Variants in EXD3 observed in about 807,000 individuals in gnomAD.
EXD3 encodes the protein exonuclease mut-7 homolog.
A neutral mutation model predicts 98.0 loss-of-function variants in EXD3; 92 were observed. The observed-to-expected ratio is 0.94, with a 90% confidence interval of 0.79 to 1.12. EXD3 has a LOEUF of 1.12. Ranked by LOEUF, EXD3 falls within the 50% of genes most tolerant of loss-of-function variation. The pLI, the probability that EXD3 is intolerant of heterozygous loss-of-function variation, is 0.00. For missense variants in EXD3, 1,222 were observed against 1,191.6 expected (o/e 1.03, Z -0.38); for synonymous variants, 569 against 526.0 (o/e 1.08, Z -1.12).
intron 8 of EXD3, among the ~76,000 whole-genome samples, chr9:137,355,410 G>C (rs1409811855): frequency 1.8e-5 from 1 of 54,870 alleles, no homozygotes; most frequent in African/African-American, 5.4e-5. Flanking sequence ...TCTGCCCTGA[G>C]GCAGGGAGGA....
intron 6 of EXD3, 172 bp downstream of exon 6, chr9:137,367,764 C>T (rs564396744): frequency 8.2e-6 from 5 of 610,506 alleles, no homozygotes; most frequent in Non-Finnish European, 1.4e-5. Flanking sequence ...GGGGTCAGCC[C>T]ATGAGGAGGA....
chr9:137,350,045 G>A (rs1453147162), intron 14 of EXD3, among the ~76,000 whole-genome samples: 2 of 145,162 alleles, frequency 1.4e-5, no homozygotes, highest in African/African-American at 2.6e-5. Context: ...TGGGGATCAC[G>A]GGGAAGGTTC....
chr9:137,328,077 T>TAG (rs1832567758), intron 17 of EXD3, among the ~76,000 whole-genome samples: 1 of 141,602 alleles, frequency 7.1e-6, no homozygotes, highest in Non-Finnish European at 1.5e-5. Context: ...ACAACTAACA[T>TAG]ACTCCCATAT....
chr9:137,314,687 CTTTGTGT>C (rs1283017507), intron 19 of EXD3, among the ~76,000 whole-genome samples: 1 of 152,182 alleles, frequency 6.6e-6, no homozygotes, highest in East Asian at 1.9e-4. Flanking sequence ...GCCCCGTCCC[CTTTGTGT>C]GGCCAGGACA....
intron 1 of EXD3, among the ~76,000 whole-genome samples, chr9:137,400,027 C>CT (rs1837404309): frequency 8.4e-6 from 1 of 118,448 alleles, no homozygotes; most frequent in Non-Finnish European, 1.7e-5. Context: ...AGAACTCCAT[C>CT]TCAAAAAAAA....
intron 17 of EXD3, among the ~76,000 whole-genome samples, chr9:137,339,190 C>A (rs2119177024): frequency 6.6e-6 from 1 of 152,082 alleles, no homozygotes; most frequent in East Asian, 1.9e-4. Context: ...CCAAAGAAAA[C>A]ATCAGGCCAG....
At chr9:137,408,615 A>C (rs1352197842) in intron 1 of EXD3, among the ~76,000 whole-genome samples, 2 of 144,246 alleles carry the variant, frequency 1.4e-5, no homozygotes, top group Non-Finnish European at 3.0e-5. Context: ...ACCTCCCCCC[A>C]GCTGCTCAGC....
rs1432445026 is a variant in EXD3 at position 137,307,075 on chromosome 9, C to A, written c.2506G>T (p.Gly836Ter). The change falls in exon 22 of 22, where the codon GGA (glycine) becomes TGA (stop). Residue 836 changes from glycine (G) to a stop codon, truncating the protein, a stop_gained. Coordinates refer to ENST00000340951, the MANE Select transcript of EXD3 (RefSeq NM_017820.5). LOFTEE classifies it low-confidence loss of function (END_TRUNC). ...LRCFYCCTGCGKVFWDGSHLG... is the reference protein window; with the variant it reads ...LRCFYCCTGC ...TGGGAGCCGTCCCAGAAGACCTTTC[C>A]ACAGCCCGTGCAGCAGTAGAAGCAC... The A allele has an allele frequency of 6.2e-7, 1 of 1,611,644 alleles. No homozygotes were observed. The highest frequency in any genetic ancestry group is 1.7e-5 in the Admixed American group (1 of 59,890).
intron 19 of EXD3, among the ~76,000 whole-genome samples, chr9:137,316,324 C>T (rs918674303): frequency 2.6e-5 from 4 of 152,034 alleles, no homozygotes; most frequent in Non-Finnish European, 2.9e-5. Context: ...CGCGCGCCGG[C>T]CTGGGGGACC....
Position 137,403,675 on chromosome 9 carries a change from G to T in EXD3, c.-47-8271C>A, listed in dbSNP as rs1837582138. 6.6e-6 allele frequency among the ~76,000 whole-genome samples: 1 copy of T among 152,096 alleles called. No individual in the cohort carries two copies. Among genetic ancestry groups the T allele is most frequent in the South Asian group, 2.1e-4 (1 of 4,828 alleles). On this transcript the variant is annotated intron_variant, in intron 1 of 21. Transcript: ENST00000340951. This position sits in a 1 kb window ranked among gnomAD's most constrained non-coding sequence, Gnocchi z 6.1. Reference sequence around the variant, plus strand: ...GGCCTTGGGGGAGATGGACCAGCAGGCCCGAGATCCAGGGTCTTAGGGCTC... The same window carrying T: ...GGCCTTGGGGGAGATGGACCAGCAGTCCCGAGATCCAGGGTCTTAGGGCTC...
chr9:137,392,306 C>T (rs1836962069), intron 2 of EXD3: 1 of 153,636 alleles, frequency 6.5e-6, no homozygotes. Context: ...CTCTCTAGAA[C>T]ACGCCAGAGG....
rs1052954448 is a variant in EXD3, at chr9:137,374,716, G to T, written c.121-1117C>A. The T allele has an allele frequency of 7.1e-5, 70 of 985,430 alleles. No homozygotes were observed. The African/African-American group carries it at 1.2e-3, about 16-fold the overall frequency. 61.0% of individuals were successfully genotyped at this position (985,430 alleles called of 1,614,324 possible). On this transcript the variant is annotated intron_variant, in intron 3 of 21. Coordinates refer to ENST00000340951, the MANE Select transcript of EXD3 (RefSeq NM_017820.5). ...GACCCTCCAAAGGATGCCCCTCGGG[G>T]AAAGTGGCCAGACAGGGTGAAAGGC...
chr9:137,341,088 G>C (rs1833632160), intron 17 of EXD3, among the ~76,000 whole-genome samples: 1 of 152,242 alleles, frequency 6.6e-6, no homozygotes, highest in South Asian at 2.1e-4. Context: ...GGCTGAAGCA[G>C]GAGGGTCGCT....
chr9:137,416,307 C>T (rs1347141609), intron 1 of EXD3, among the ~76,000 whole-genome samples: 2 of 152,248 alleles, frequency 1.3e-5, no homozygotes, highest in Non-Finnish European at 2.9e-5. Context: ...GAGGGACCCA[C>T]AGGGACAAAG....
At chr9:137,377,445 TAAA>T (rs60776134) in intron 3 of EXD3, among the ~76,000 whole-genome samples, 12 of 94,448 alleles carry the variant, frequency 1.3e-4, no homozygotes, top group Admixed American at 1.2e-4. Flanking sequence ...ACTCTGTCTC[TAAA>T]AAAAAAAAAA....
intron 7 of EXD3, chr9:137,366,272 T>C: frequency 1.4e-6 from 1 of 722,400 alleles, no homozygotes; most frequent in Non-Finnish European, 2.5e-6. Flanking sequence ...AGCAGTTAAC[T>C]CTTTTCACTC....
At position 137,371,118 on chromosome 9, in the gene EXD3, T is replaced by A. The variant is rs569152054; in HGVS notation, c.462+1787A>T. 6.6e-6 allele frequency among the ~76,000 whole-genome samples: 1 copy of A among 152,328 alleles called. No homozygotes were observed. Among genetic ancestry groups the A allele is most frequent in the Admixed American group, 6.5e-5 (1 of 15,312 alleles). The stretch of plus-strand genomic sequence containing the variant: ...AAGACCCCCTTTGTGTGGGGATTCC[T>A]GCCTCGGAGCGCGAGGGAGGCGCAT... On this transcript the variant is annotated intron_variant, in intron 5 of 21. Coordinates refer to ENST00000340951, the MANE Select transcript of EXD3 (RefSeq NM_017820.5). The surrounding 1 kb of genome is among the most constrained non-coding windows in gnomAD (Gnocchi z 8.0).
In EXD3 at chr9:137,407,237, C is replaced by A. The variant is rs1415372429; in HGVS notation, c.-47-11833G>T. Among the ~76,000 whole-genome samples, 2 of 152,202 alleles carry A rather than the reference C, an allele frequency of 1.3e-5. No individual in the cohort carries two copies. Among genetic ancestry groups the A allele is most frequent in the African/African-American group, 2.4e-5 (1 of 41,456 alleles). ...GTCCCAGGCGCCTCCCCTACCCGCA[C>A]GCCCAGGCTGGGTCTCCGTTTCCCA... On this transcript the variant is annotated intron_variant, in intron 1 of 21. Coordinates refer to ENST00000340951, the MANE Select transcript of EXD3 (RefSeq NM_017820.5). The surrounding 1 kb of genome is among the most constrained non-coding windows in gnomAD (Gnocchi z 4.4).
chr9:137,354,188 G>T, intron 10 of EXD3, 151 bp downstream of exon 10: 1 of 1,451,282 alleles, frequency 6.9e-7, no homozygotes, highest in Non-Finnish European at 9.2e-7. Context: ...ACACCCGCCT[G>T]CCAGCCACAC....
Sources: allele counts gnomAD v4.1 joint callset (sites outside exome capture counted in the v4.1 genomes callset), GRCh38; gene constraint gnomAD v4.1.1; non-coding constraint Gnocchi (gnomAD v3.1); transcripts MANE v1.5; gene names NCBI Gene and HGNC (gene_info 2026-07-23, HGNC 2026-07-21).